The following RAD51B variants were observed in gnomAD, a reference collection of about 807,000 sequenced individuals.
RAD51B encodes RAD51 paralog B.
RAD51B carries 38 observed loss-of-function variants against 42.2 expected under a neutral mutation model. That is an observed-to-expected ratio of 0.90 (90% CI 0.70 to 1.18). The LOEUF (loss-of-function observed/expected upper bound fraction) is 1.18, where lower values mean the gene tolerates loss of function less well. RAD51B is among the 50% of genes most tolerant of loss of function. The probability of loss-of-function intolerance (pLI) is 0.00; values close to 1 mark genes in which losing one functional copy is unlikely to be tolerated. For missense variants in RAD51B, 373 were observed against 400.7 expected, an observed-to-expected ratio of 0.93 and a Z score of 0.59; for synonymous variants, 154 against 145.2, an observed-to-expected ratio of 1.06 and a Z score of -0.43.
intron 4 of RAD51B, among the ~76,000 whole-genome samples, chr14:67,837,731 A>G (rs774151289): frequency 6.6e-6 from 1 of 152,220 alleles, no homozygotes; most frequent in Non-Finnish European, 1.5e-5. Context: ...TGTGCAATGT[A>G]TAATGATCAA....
intron 8 of RAD51B, among the ~76,000 whole-genome samples, chr14:68,350,252 T>C (rs1283876510): frequency 6.6e-6 from 1 of 152,256 alleles, no homozygotes; most frequent in Non-Finnish European, 1.5e-5. Flanking sequence ...TGCCTTCATC[T>C]GCAGATTATA....
chr14:68,423,612 A>G (rs766470147), intron 9 of RAD51B, among the ~76,000 whole-genome samples: 44 of 152,106 alleles, frequency 2.9e-4, no homozygotes, highest in Non-Finnish European at 5.7e-4. Flanking sequence ...TCCCTCTTTT[A>G]TATCCCTAGG....
downstream of RAD51B, among the ~76,000 whole-genome samples, chr14:68,600,359 C>A (rs1427744507): frequency 6.6e-6 from 1 of 152,232 alleles, no homozygotes; most frequent in Middle Eastern, 3.2e-3. Flanking sequence ...ATTGGGCCAG[C>A]ATGCTGGTGG....
chr14:68,491,137 C>T (rs1382666659), intron 10 of RAD51B, among the ~76,000 whole-genome samples: 3 of 152,192 alleles, frequency 2.0e-5, no homozygotes, highest in East Asian at 1.9e-4. Flanking sequence ...CAGTGCCTGC[C>T]AGTAAGCCCA....
chr14:68,257,458 T>C (rs1022180339), intron 7 of RAD51B, among the ~76,000 whole-genome samples: 6 of 152,138 alleles, frequency 3.9e-5, no homozygotes, highest in Non-Finnish European at 8.8e-5. Flanking sequence ...TCCTTCAGTG[T>C]CTAAAAATGG....
intron 7 of RAD51B, among the ~76,000 whole-genome samples, chr14:68,116,465 A>G (rs1313851360): frequency 6.6e-6 from 1 of 152,160 alleles, no homozygotes; most frequent in Non-Finnish European, 1.5e-5. Context: ...AAATCAGAGT[A>G]ATAGAAGCTA....
At chr14:68,065,324 G>A (rs1307997388) in intron 7 of RAD51B, among the ~76,000 whole-genome samples, 3 of 152,206 alleles carry the variant, frequency 2.0e-5, no homozygotes, top group Non-Finnish European at 2.9e-5. Flanking sequence ...TGAGAGTGGG[G>A]CACTTGGTTG....
At chr14:68,182,848 A>G (rs1453938886) in intron 7 of RAD51B, among the ~76,000 whole-genome samples, 1 of 152,246 alleles carries the variant, frequency 6.6e-6, no homozygotes, top group East Asian at 1.9e-4. Context: ...ATGGAAAAGA[A>G]CATAAGCTTT....
At chr14:67,878,784 C>T (rs1461784231) in intron 5 of RAD51B, among the ~76,000 whole-genome samples, 2 of 152,100 alleles carry the variant, frequency 1.3e-5, no homozygotes, top group Non-Finnish European at 2.9e-5. Context: ...ACTATAACCT[C>T]CACTTCCTGG....
At chr14:68,658,677 G>A (rs571720844) in intron 11 of RAD51B, among the ~76,000 whole-genome samples, 1 of 152,144 alleles carries the variant, frequency 6.6e-6, no homozygotes. Context: ...TCTGCCTCAG[G>A]GTTCTCCCTG....
intron 8 of RAD51B, among the ~76,000 whole-genome samples, chr14:68,341,180 G>A (rs182809006): frequency 2.0e-5 from 3 of 152,264 alleles, no homozygotes; most frequent in Non-Finnish European, 4.4e-5. Context: ...TTTCAGTAAT[G>A]TGTAATGCAA....
intron 7 of RAD51B, among the ~76,000 whole-genome samples, chr14:68,174,392 A>G (rs1277978042): frequency 6.6e-6 from 1 of 151,900 alleles, no homozygotes; most frequent in Non-Finnish European, 1.5e-5. Context: ...AAAAAAAAGA[A>G]AAAAAAAGTG....
intron 10 of RAD51B, among the ~76,000 whole-genome samples, chr14:68,494,548 C>T (rs1353021009): frequency 2.6e-5 from 4 of 152,162 alleles, no homozygotes; most frequent in Admixed American, 6.5e-5. Flanking sequence ...GTTTCACCAT[C>T]AGTGAGGCGT....
intron 10 of RAD51B, among the ~76,000 whole-genome samples, chr14:68,583,324 G>A (rs1890298466): frequency 6.6e-6 from 1 of 152,102 alleles, no homozygotes; most frequent in African/African-American, 2.4e-5. Flanking sequence ...CCCTAATAGT[G>A]ATGTAAGTGG....
intron 10 of RAD51B, among the ~76,000 whole-genome samples, chr14:68,584,301 C>T (rs1028341988): frequency 6.6e-6 from 1 of 152,186 alleles, no homozygotes; most frequent in South Asian, 2.1e-4. Context: ...TCTAGGACCT[C>T]CTTGGGGCCA....
intron 7 of RAD51B, among the ~76,000 whole-genome samples, chr14:67,905,442 T>G (rs2043751991): frequency 6.6e-6 from 1 of 152,164 alleles, no homozygotes; most frequent in Admixed American, 6.5e-5. Context: ...TTTTTTCCAA[T>G]TCTGTGAAAA....
At chr14:68,504,523 G>A (rs1885145110) in intron 10 of RAD51B, among the ~76,000 whole-genome samples, 1 of 152,196 alleles carries the variant, frequency 6.6e-6, no homozygotes, top group East Asian at 1.9e-4. Context: ...CTGGAGAAAT[G>A]TGTCTGGGCT....
At chr14:68,055,187 G>A (rs1161313814) in intron 7 of RAD51B, among the ~76,000 whole-genome samples, 1 of 152,072 alleles carries the variant, frequency 6.6e-6, no homozygotes, top group Non-Finnish European at 1.5e-5. Flanking sequence ...TAAAAATGAA[G>A]GCATTGGTCT....
At chr14:68,422,559 CA>C (rs60206313) in intron 9 of RAD51B, among the ~76,000 whole-genome samples, 18,560 of 104,180 alleles carry the variant, frequency 0.18, 1,359 homozygotes, top group Non-Finnish European at 0.25. Context: ...GTCTCCATCT[CA>C]AAAAAAAAAA....
Sources: gnomAD v4.1 joint callset for allele counts (sites outside exome capture counted in the v4.1 genomes callset) on GRCh38, gnomAD v4.1.1 for gene constraint, MANE v1.5 for transcripts, NCBI Gene and HGNC (gene_info 2026-07-23, HGNC 2026-07-21) for gene names.